The following ARHGEF33 variants were observed in gnomAD, a reference collection of about 807,000 sequenced individuals.
ARHGEF33 encodes Rho guanine nucleotide exchange factor 33.
ARHGEF33 carries 72 observed loss-of-function variants against 101.9 expected under a neutral mutation model. That is an observed-to-expected ratio of 0.71 (90% CI 0.58 to 0.86). The LOEUF is 0.86. Among genes scored for constraint, ARHGEF33 ranks in the 40% least tolerant of loss-of-function variants. The pLI is 0.00. For missense variants in ARHGEF33, 1,169 were observed against 1,111.3 expected (o/e 1.05, Z -0.74); for synonymous variants, 499 against 442.5 (o/e 1.13, Z -1.60).
At chr2:38,958,738 A>G (rs1318314276) in intron 15 of ARHGEF33, among the ~76,000 whole-genome samples, 1 of 152,030 alleles carries the variant, frequency 6.6e-6, no homozygotes, top group Non-Finnish European at 1.5e-5. Context: ...CCGAGGTACA[A>G]TGGCATGATC....
In ARHGEF33 at chr2:38,960,030, C is replaced by T. The variant is rs994833368; in HGVS notation, c.1725C>T (p.Ile575=). ...CGCTGGCCGGGCCCCTGCAGGCCATCCCGGAGATGGACTTCGAGTCCTCTC... is the reference window on the plus strand; with the variant it reads ...CGCTGGCCGGGCCCCTGCAGGCCATTCCGGAGATGGACTTCGAGTCCTCTC... ...VKALAGPLQA[I]PEMDFESSPA... The change falls in exon 16 of 18, where the codon ATC becomes ATT. Residue 575 remains isoleucine, a synonymous_variant. Coordinates refer to ENST00000409978, the MANE Select transcript of ARHGEF33 (RefSeq NM_001145451.5). The T allele has an allele frequency of 6.5e-7, 1 of 1,546,080 alleles. No homozygotes were observed. The highest frequency in any genetic ancestry group is 1.4e-5 in the African/African-American group (1 of 72,940).
chr2:38,895,711 A>C (rs931781255), intron 1 of ARHGEF33, 66 bp from the exon 2 acceptor site: 3 of 152,098 alleles, frequency 2.0e-5, no homozygotes, highest in Non-Finnish European at 4.4e-5. Flanking sequence ...TTATAGGAAA[A>C]AATGATGGTA....
chr2:38,941,011 C>A (rs1667294033), intron 9 of ARHGEF33, among the ~76,000 whole-genome samples: 1 of 152,104 alleles, frequency 6.6e-6, no homozygotes, highest in African/African-American at 2.4e-5. Flanking sequence ...CTCAAAAGAC[C>A]AATCTTAGGT....
chr2:38,935,945 C>T (rs547108891), intron 8 of ARHGEF33, 111 bp downstream of exon 8: 1 of 899,316 alleles, frequency 1.1e-6, no homozygotes, highest in East Asian at 2.7e-5. Flanking sequence ...AAAGAACTCA[C>T]AAAAGATAAA....
rs2124412472 is a variant in ARHGEF33 at position 38,951,067 on chromosome 2, G to A, written c.999G>A (p.Lys333=). Residue 333 remains lysine, a synonymous_variant, in exon 11 of 18, where the codon AAG becomes AAA. Coordinates refer to ENST00000409978, the MANE Select transcript of ARHGEF33 (RefSeq NM_001145451.5). The part of the protein sequence containing the change: ...LLHALQERVL[K]WPRQGVLGDL... ...ACGCACTGCAGGAAAGGGTCCTGAA[G>A]TGGCCACGCCAAGGCGTTCTTGGAG... The A allele has an allele frequency of 6.4e-7, 1 of 1,552,106 alleles. No individual in the cohort carries two copies. The highest frequency in any genetic ancestry group is 2.4e-5 in the East Asian group (1 of 40,926).
intron 7 of ARHGEF33, among the ~76,000 whole-genome samples, chr2:38,935,426 A>G (rs1667107225): frequency 6.6e-6 from 1 of 152,058 alleles, no homozygotes; most frequent in South Asian, 2.1e-4. Flanking sequence ...CTTACATGTT[A>G]ACAGTACCAT....
Position 38,945,543 on chromosome 2 carries a change from C to A in ARHGEF33, c.920+1513C>A, listed in dbSNP as rs145788927. 9.7e-4 allele frequency among the ~76,000 whole-genome samples: 148 copies of A among 152,366 alleles called. 1 individual carries two copies. Among genetic ancestry groups the A allele is most frequent in the African/African-American group, 3.2e-3 (132 of 41,596 alleles). The stretch of plus-strand genomic sequence containing the variant: ...CCCTATCTGGCCCTTCCAGTTCCCC[C>A]TCCTTGACCCTCCCAGCTGCGCTGC... On this transcript the variant is annotated intron_variant, in intron 10 of 17. Transcript: ENST00000409978.
intron 1 of ARHGEF33, among the ~76,000 whole-genome samples, chr2:38,890,521 A>G (rs1572733777): frequency 6.6e-6 from 1 of 152,218 alleles, no homozygotes; most frequent in African/African-American, 2.4e-5. Context: ...TGGGGGCTTT[A>G]TTGGTGAAAC....
At position 38,973,868 on chromosome 2, in the gene ARHGEF33, A is replaced by G; in HGVS notation, c.*25A>G. ...AAACATACTTAAAGTTGTATTGTCA[A>G]GTGGTAAGATGAGGATAAAAAGCTT... On this transcript the variant is annotated 3_prime_UTR_variant, in exon 18 of 18. Coordinates refer to ENST00000409978, the MANE Select transcript of ARHGEF33 (RefSeq NM_001145451.5). 1.3e-6 allele frequency: 2 copies of G among 1,530,790 alleles called. No individual in the cohort carries two copies. Among genetic ancestry groups the G allele is most frequent in the Non-Finnish European group, 1.8e-6 (2 of 1,137,256 alleles). The allele number at this position is 1,530,790 out of a possible 1,614,324, so 94.8% of individuals were successfully genotyped here.
rs1394849077 is a variant in ARHGEF33 at position 38,928,989 on chromosome 2, C to T, written c.158C>T (p.Ala53Val). ...TCAAGAATTCAACATGGAGAATATGCTTTGGAAGAAAAGGTTAAGAGCTGC... is the reference window on the plus strand; with the variant it reads ...TCAAGAATTCAACATGGAGAATATGTTTTGGAAGAAAAGGTTAAGAGCTGC... Reference protein sequence around the residue: ...ELSRIQHGEYALEEKVKSCRC... With the variant: ...ELSRIQHGEYVLEEKVKSCRC... The change falls in exon 5 of 18, where the codon GCT becomes GTT. Residue 53 changes from alanine to valine, a missense_variant. Physicochemically the swap from Ala to Val is moderately conservative, Grantham distance 64. Coordinates refer to ENST00000409978, the MANE Select transcript of ARHGEF33 (RefSeq NM_001145451.5). 1 of 1,551,358 alleles carries T rather than the reference C, an allele frequency of 6.4e-7. No homozygotes were observed.
chr2:38,953,671 C>T (rs78168432), intron 12 of ARHGEF33, among the ~76,000 whole-genome samples: 1,960 of 152,236 alleles, frequency 0.013, 19 homozygotes, highest in Middle Eastern at 0.055. Context: ...TGCAATGATA[C>T]ATTAGGTGCT....
At chr2:38,930,759 T>G (rs1325422680) in intron 6 of ARHGEF33, among the ~76,000 whole-genome samples, 2 of 152,254 alleles carry the variant, frequency 1.3e-5, no homozygotes, top group Admixed American at 6.5e-5. Context: ...CCTGATACTT[T>G]TGAGTTGCAT....
chr2:38,902,134 G>GAA (rs1156887244), intron 2 of ARHGEF33, among the ~76,000 whole-genome samples: 20 of 58,464 alleles, frequency 3.4e-4, no homozygotes, highest in Non-Finnish European at 5.8e-4. Flanking sequence ...TCCATCTCAA[G>GAA]AAAAAAAAAA....
intron 13 of ARHGEF33, among the ~76,000 whole-genome samples, chr2:38,955,481 CTTTTT>C (rs3085350): frequency 3.9e-4 from 28 of 71,186 alleles, no homozygotes; most frequent in Non-Finnish European, 5.2e-4. Flanking sequence ...ATTGAAAAGA[CTTTTT>C]TTTTTTTTTT....
intron 2 of ARHGEF33, among the ~76,000 whole-genome samples, chr2:38,907,567 A>G (rs754210661): frequency 2.0e-5 from 3 of 152,240 alleles, no homozygotes; most frequent in Admixed American, 1.3e-4. Flanking sequence ...GAGTCCTGCC[A>G]CTGCCTGTGA....
At chr2:38,942,155 C>G (rs1246073233) in intron 9 of ARHGEF33, among the ~76,000 whole-genome samples, 5 of 145,608 alleles carry the variant, frequency 3.4e-5, no homozygotes, top group African/African-American at 1.3e-4. Context: ...TTCAATACAT[C>G]TCTCCTTTCT....
intron 10 of ARHGEF33, among the ~76,000 whole-genome samples, chr2:38,945,897 G>A (rs756735552): frequency 6.6e-5 from 10 of 152,276 alleles, no homozygotes; most frequent in South Asian, 2.1e-4. Context: ...GCTTAAAGCC[G>A]CAGAACCAAT....
chr2:38,911,264 A>C (rs902815285), intron 2 of ARHGEF33, among the ~76,000 whole-genome samples: 1 of 152,190 alleles, frequency 6.6e-6, no homozygotes, highest in African/African-American at 2.4e-5. Flanking sequence ...GAATTATTTT[A>C]GTTTCAGGGG....
intron 3 of ARHGEF33, among the ~76,000 whole-genome samples, chr2:38,921,052 A>G (rs1195305168): frequency 6.6e-6 from 1 of 152,210 alleles, no homozygotes; most frequent in African/African-American, 2.4e-5. Context: ...TCAAGAACAT[A>G]AGGGAGACAC....
Sources: allele counts gnomAD v4.1 joint callset (sites outside exome capture counted in the v4.1 genomes callset), GRCh38; gene constraint gnomAD v4.1.1; transcripts MANE v1.5; gene names NCBI Gene and HGNC (gene_info 2026-07-23, HGNC 2026-07-21).